The following P2RY14 variants were observed in gnomAD, a reference collection of about 807,000 sequenced individuals.
P2RY14 encodes purinergic receptor P2Y14.
In P2RY14, 2 loss-of-function variants were observed where a neutral mutation model predicts 0.9. The ratio of observed to expected loss-of-function variants is 2.16; its 90% CI spans 0.88 to 6.79. The LOEUF is 6.79. P2RY14 is among the 30% of genes most tolerant of loss of function. The pLI is 0.05. For missense variants in P2RY14, 378 were observed against 400.1 expected (o/e 0.94, Z 0.47); for synonymous variants, 158 against 147.2 (o/e 1.07, Z -0.53).
chr3:151,276,498 T>C (rs1483199212), intron 1 of P2RY14, among the ~76,000 whole-genome samples: 3 of 152,210 alleles, frequency 2.0e-5, no homozygotes, highest in Non-Finnish European at 4.4e-5. Flanking sequence ...GGTCTGTTTT[T>C]GGTATTCTAG....
chr3:151,245,824 C>A (rs1274023798), intron 1 of P2RY14, among the ~76,000 whole-genome samples: 90 of 150,132 alleles, frequency 6.0e-4, no homozygotes, highest in Middle Eastern at 3.4e-3. Context: ...AAGAGGAAGT[C>A]AAATTGTCCC....
At chr3:151,218,502 A>G (rs763324569) in intron 2 of P2RY14, among the ~76,000 whole-genome samples, 1 of 152,232 alleles carries the variant, frequency 6.6e-6, no homozygotes, top group Non-Finnish European at 1.5e-5. Context: ...GGCTTTAGGA[A>G]TATAAACAAT....
intron 1 of P2RY14, among the ~76,000 whole-genome samples, chr3:151,257,967 GATAAC>G (rs1396421585): frequency 2.0e-5 from 3 of 152,158 alleles, no homozygotes; most frequent in Non-Finnish European, 1.5e-5. Flanking sequence ...TTTGTAAATA[GATAAC>G]ATAAGAAACA....
intron 1 of P2RY14, among the ~76,000 whole-genome samples, chr3:151,243,384 C>G (rs1384216028): frequency 2.7e-4 from 37 of 134,642 alleles, no homozygotes; most frequent in Admixed American, 2.7e-3. Context: ...GGGTTACCCT[C>G]AAAGGGAAGC....
intron 1 of P2RY14, among the ~76,000 whole-genome samples, chr3:151,237,452 C>T (rs1254988131): frequency 4.3e-5 from 6 of 139,358 alleles, no homozygotes; most frequent in South Asian, 2.4e-4. Flanking sequence ...TGGGTTCAAG[C>T]GATTCTCCTG....
At chr3:151,253,779 G>C (rs1229520369) in intron 1 of P2RY14, among the ~76,000 whole-genome samples, 1 of 151,898 alleles carries the variant, frequency 6.6e-6, no homozygotes, top group Admixed American at 6.6e-5. Context: ...ATATTGCCAG[G>C]CTGTCCAGGA....
At chr3:151,229,830 A>G (rs9853297) in intron 1 of P2RY14, among the ~76,000 whole-genome samples, 68,699 of 151,942 alleles carry the variant, frequency 0.45, 16,226 homozygotes, top group East Asian at 0.6. Flanking sequence ...GAGCAACTGT[A>G]TTAGTTGCAA....
At chr3:151,267,543 G>A (rs1471064391) in intron 1 of P2RY14, among the ~76,000 whole-genome samples, 4 of 152,040 alleles carry the variant, frequency 2.6e-5, no homozygotes, top group African/African-American at 7.2e-5. Context: ...TGAGAGCCTC[G>A]GTCCTTGCTT....
chr3:151,238,586 G>A (rs1278943218), intron 1 of P2RY14, among the ~76,000 whole-genome samples: 4 of 152,102 alleles, frequency 2.6e-5, no homozygotes. Context: ...TTGCACTGAT[G>A]GTGCAAAAGC....
chr3:151,254,152 A>C lies in P2RY14; in HGVS notation c.-133+24135T>G, dbSNP rs999107298. On this transcript the variant is annotated intron_variant, in intron 1 of 2. Transcript: ENST00000309170. Reference sequence around the variant, plus strand: ...TAGCCACCTCTTTTTCCTTTTATCTATTTTTAGGTATTAGTGCCTGTATTT... The same window carrying C: ...TAGCCACCTCTTTTTCCTTTTATCTCTTTTTAGGTATTAGTGCCTGTATTT... 2.6e-5 allele frequency among the ~76,000 whole-genome samples: 4 copies of C among 151,778 alleles called. No homozygotes were observed. In the South Asian group the frequency reaches 8.3e-4, roughly 32 times the overall value.
At chr3:151,219,139 A>G (rs764065775) in intron 2 of P2RY14, among the ~76,000 whole-genome samples, 31 of 152,184 alleles carry the variant, frequency 2.0e-4, no homozygotes, top group Non-Finnish European at 3.5e-4. Flanking sequence ...GTCAATGCCA[A>G]AGATTCAATC....
intron 1 of P2RY14, among the ~76,000 whole-genome samples, chr3:151,263,430 CAG>C (rs1739266510): frequency 6.6e-6 from 1 of 152,168 alleles, no homozygotes; most frequent in South Asian, 2.1e-4. Flanking sequence ...TGAAGGCTGA[CAG>C]AATTATCATA....
At chr3:151,218,028 G>T (rs895851598) in intron 2 of P2RY14, among the ~76,000 whole-genome samples, 3 of 152,138 alleles carry the variant, frequency 2.0e-5, no homozygotes. Context: ...TTTGGACCTC[G>T]TGATATCTAC....
intron 1 of P2RY14, among the ~76,000 whole-genome samples, chr3:151,270,765 C>G (rs1185779929): frequency 6.6e-6 from 1 of 152,098 alleles, no homozygotes; most frequent in Non-Finnish European, 1.5e-5. Context: ...GGCATCTTTG[C>G]AGTTTAACAT....
chr3:151,262,082 A>G (rs1034525446), intron 1 of P2RY14, among the ~76,000 whole-genome samples: 1 of 152,196 alleles, frequency 6.6e-6, no homozygotes, highest in African/African-American at 2.4e-5. Context: ...TGTTAAAACT[A>G]CTATTTTTTA....
chr3:151,230,796 A>G (rs1014009439), intron 1 of P2RY14, among the ~76,000 whole-genome samples: 3 of 152,174 alleles, frequency 2.0e-5, no homozygotes, highest in Non-Finnish European at 4.4e-5. Context: ...TTTTTAAATA[A>G]CAAAAGTGAA....
intron 1 of P2RY14, among the ~76,000 whole-genome samples, chr3:151,252,910 G>T (rs999841114): frequency 6.6e-6 from 1 of 152,134 alleles, no homozygotes; most frequent in Admixed American, 6.5e-5. Context: ...AATGACTGTA[G>T]TGTTAAAAGG....
At chr3:151,234,739 A>G (rs1319718470) in intron 1 of P2RY14, among the ~76,000 whole-genome samples, 2 of 152,204 alleles carry the variant, frequency 1.3e-5, no homozygotes, top group Non-Finnish European at 2.9e-5. Context: ...ACTTGGTTGC[A>G]TGCCTCTCTT....
At chr3:151,259,075 GACATACTTTAA>G (rs1379553467) in intron 1 of P2RY14, among the ~76,000 whole-genome samples, 1 of 152,184 alleles carries the variant, frequency 6.6e-6, no homozygotes, top group Non-Finnish European at 1.5e-5. Context: ...TTTGGGAAAT[GACATACTTTAA>G]ATATACTGGA....
Sources: gnomAD v4.1 joint callset for allele counts (sites outside exome capture counted in the v4.1 genomes callset) on GRCh38, gnomAD v4.1.1 for gene constraint, MANE v1.5 for transcripts, NCBI Gene and HGNC (gene_info 2026-07-23, HGNC 2026-07-21) for gene names.